EHBP1: variants seen among roughly 807,000 people sequenced by gnomAD.
The protein encoded by EHBP1 is EH domain-binding protein 1.
Under a neutral mutation model 144.0 loss-of-function variants are expected in EHBP1, and 55 were observed. The ratio of observed to expected loss-of-function variants is 0.38; its 90% CI spans 0.31 to 0.48. The LOEUF is 0.48. EHBP1 is among the 20% of genes least tolerant of loss of function. EHBP1 has a pLI of 0.98. For missense variants in EHBP1, 1,200 were observed against 1,364.2 expected, an observed-to-expected ratio of 0.88 and a Z score of 1.90; for synonymous variants, 469 against 472.7, an observed-to-expected ratio of 0.99 and a Z score of 0.10.
At chr2:62,894,167 A>C (rs2052689965) in intron 10 of EHBP1, among the ~76,000 whole-genome samples, 1 of 152,206 alleles carries the variant, frequency 6.6e-6, no homozygotes, top group African/African-American at 2.4e-5. Context: ...CCTGCAAACT[A>C]GGAGTTGAGA....
intron 10 of EHBP1, among the ~76,000 whole-genome samples, chr2:62,906,563 A>G (rs1183396874): frequency 6.6e-6 from 1 of 152,234 alleles, no homozygotes; most frequent in Non-Finnish European, 1.5e-5. Flanking sequence ...GCAAATGGTA[A>G]TATTGAAATT....
At chr2:62,932,903 A>G (rs1282191680) in intron 10 of EHBP1, among the ~76,000 whole-genome samples, 1 of 150,382 alleles carries the variant, frequency 6.6e-6, no homozygotes, top group African/African-American at 2.4e-5. Flanking sequence ...GCAGTGAGCC[A>G]GTCATGCCAC....
At chr2:62,790,736 A>C (rs371066216) in intron 5 of EHBP1, among the ~76,000 whole-genome samples, 3 of 152,226 alleles carry the variant, frequency 2.0e-5, no homozygotes, top group African/African-American at 7.2e-5. Flanking sequence ...CTTTGCAGAC[A>C]AGTTGACTAT....
chr2:62,908,892 A>G (rs2053993577), intron 10 of EHBP1, among the ~76,000 whole-genome samples: 1 of 152,194 alleles, frequency 6.6e-6, no homozygotes. Context: ...GCTTCACCTC[A>G]TATATCACTG....
At chr2:62,810,457 G>A (rs758690038) in intron 5 of EHBP1, among the ~76,000 whole-genome samples, 3 of 152,196 alleles carry the variant, frequency 2.0e-5, no homozygotes, top group Non-Finnish European at 4.4e-5. Context: ...GAGCCAACTT[G>A]TTTTGATGAG....
At chr2:62,752,654 C>T (rs934973360) in intron 3 of EHBP1, among the ~76,000 whole-genome samples, 14 of 152,140 alleles carry the variant, frequency 9.2e-5, no homozygotes, top group South Asian at 4.2e-4. Context: ...TTTATGAATC[C>T]GGGTGCTCCT....
intron 16 of EHBP1, among the ~76,000 whole-genome samples, chr2:62,991,683 A>T (rs908204022): frequency 5.3e-5 from 8 of 152,112 alleles, no homozygotes; most frequent in African/African-American, 1.9e-4. Context: ...TCCCACCCAC[A>T]TGTTTCCCTG....
intron 10 of EHBP1, among the ~76,000 whole-genome samples, chr2:62,931,940 A>C (rs1191551166): frequency 6.6e-6 from 1 of 152,120 alleles, no homozygotes; most frequent in African/African-American, 2.4e-5. Flanking sequence ...GCACTTTGGG[A>C]GGCCAAGGTG....
intron 15 of EHBP1, among the ~76,000 whole-genome samples, chr2:62,981,626 A>G (rs1385870227): frequency 6.6e-6 from 1 of 152,218 alleles, no homozygotes; most frequent in East Asian, 1.9e-4. Context: ...CCAGGACTAG[A>G]CTAGGCAAGG....
At chr2:62,985,450 A>C (rs2059148677) in intron 15 of EHBP1, among the ~76,000 whole-genome samples, 1 of 152,230 alleles carries the variant, frequency 6.6e-6, no homozygotes, top group South Asian at 2.1e-4. Flanking sequence ...TTCCGTTGAA[A>C]ACTGCTTATG....
At chr2:62,795,489 C>T (rs1361907692) in intron 5 of EHBP1, among the ~76,000 whole-genome samples, 1 of 151,918 alleles carries the variant, frequency 6.6e-6, no homozygotes, top group African/African-American at 2.4e-5. Flanking sequence ...TCCCTCAGTC[C>T]AACTCCTTTC....
At chr2:62,757,370 T>C (rs1467165130) in intron 3 of EHBP1, among the ~76,000 whole-genome samples, 1 of 151,898 alleles carries the variant, frequency 6.6e-6, no homozygotes, top group African/African-American at 2.4e-5. Context: ...CTTTGTACTA[T>C]GTTTTAGAAA....
At chr2:62,902,886 G>A (rs2053527501) in intron 10 of EHBP1, among the ~76,000 whole-genome samples, 3 of 152,152 alleles carry the variant, frequency 2.0e-5, no homozygotes, top group Admixed American at 2.0e-4. Flanking sequence ...TTGTTATATA[G>A]ATTCTCCTTT....
intron 19 of EHBP1, among the ~76,000 whole-genome samples, chr2:63,028,968 TACTTCATATTGTAATTCTCATTTTTTAA>T (rs759465829): frequency 3.9e-5 from 6 of 152,206 alleles, no homozygotes; most frequent in Non-Finnish European, 8.8e-5. Context: ...TATCAATTTG[TACTTCATATTGTAATTCTCATTTTTTAA>T]ACTTTATGTT....
At chr2:62,990,677 A>G in intron 15 of EHBP1, 39 bp from the exon 16 acceptor site, 1 of 1,605,842 alleles carries the variant, frequency 6.2e-7, no homozygotes, top group Non-Finnish European at 8.5e-7. Flanking sequence ...ATCTAAATGC[A>G]TCTCACTCAG....
At chr2:62,979,097 C>A in intron 14 of EHBP1, 91 bp from the exon 15 acceptor site, 1 of 1,338,944 alleles carries the variant, frequency 7.5e-7, no homozygotes, top group Non-Finnish European at 1.0e-6. Context: ...AAGCACCATG[C>A]TGTAAACCAG....
At position 63,045,307 on chromosome 2, in the gene EHBP1, TCCCG is replaced by T. The variant is rs1179204595; in HGVS notation, c.3393-101_3393-98del. 2 of 1,366,886 alleles carry T rather than the reference TCCCG, an allele frequency of 1.5e-6. No homozygotes were observed. Among genetic ancestry groups the T allele is most frequent in the Non-Finnish European group, 2.1e-6 (2 of 974,892 alleles). 84.7% of individuals were successfully genotyped at this position (1,366,886 alleles called of 1,614,324 possible). A position where few individuals can be genotyped will look rare whatever the true frequency, so the allele number is the denominator to read the frequency against. ...CTCCCACTGGCCTGGTGCTCCCCATTCCCGCTGGGGATCCAAATACTGGGCGACG... is the reference window on the plus strand; with the variant it reads ...CTCCCACTGGCCTGGTGCTCCCCATTCTGGGGATCCAAATACTGGGCGACG... On this transcript the variant is annotated intron_variant, in intron 22 of 22. Transcript: ENST00000431489. The surrounding 1 kb of genome is among the most constrained non-coding windows in gnomAD (Gnocchi z 5.7).
intron 8 of EHBP1, among the ~76,000 whole-genome samples, chr2:62,863,750 T>TA (rs1335692680): frequency 6.6e-6 from 1 of 151,844 alleles, no homozygotes; most frequent in Non-Finnish European, 1.5e-5. Context: ...GGTCTGTGCT[T>TA]ACGTAAATAT....
chr2:62,870,200 ATCTC>A (rs2050350810), intron 9 of EHBP1, among the ~76,000 whole-genome samples: 2 of 152,294 alleles, frequency 1.3e-5, no homozygotes, highest in Non-Finnish European at 1.5e-5. Flanking sequence ...GAGAAATGTT[ATCTC>A]TCTATTGTGC....
Sources: gnomAD v4.1 joint callset for allele counts (sites outside exome capture counted in the v4.1 genomes callset) on GRCh38, gnomAD v4.1.1 for gene constraint, Gnocchi (gnomAD v3.1) non-coding constraint, MANE v1.5 for transcripts, NCBI Gene and HGNC (gene_info 2026-07-23, HGNC 2026-07-21) for gene names.